Variants in C12orf42 observed in about 807,000 individuals in gnomAD.
C12orf42 encodes chromosome 12 open reading frame 42.
In C12orf42, 25 loss-of-function variants were observed where a neutral mutation model predicts 21.6. The observed-to-expected ratio is 1.16, with a 90% CI of 0.84 to 1.62. The LOEUF (loss-of-function observed/expected upper bound fraction) is 1.62, where lower values mean the gene tolerates loss of function less well. Ranked by LOEUF, C12orf42 falls within the 40% of genes most tolerant of loss-of-function variation. The pLI, the probability that C12orf42 is intolerant of heterozygous loss-of-function variation, is 0.00. For missense variants in C12orf42, 483 were observed against 459.3 expected (o/e 1.05, Z -0.47); for synonymous variants, 174 against 175.0 (o/e 0.99, Z 0.05).
Position 103,302,248 on chromosome 12 carries a change from G to A in C12orf42, c.943C>T (p.Leu315=), listed in dbSNP as rs765256333. 4.3e-6 allele frequency: 7 copies of A among 1,612,112 alleles called. No individual in the cohort carries two copies. In the Admixed American group the frequency reaches 8.3e-5, roughly 19 times the overall value. Residue 315 remains leucine (L), a synonymous_variant, in exon 6 of 6, where the codon CTG becomes TTG. Coordinates refer to ENST00000548883, the MANE Select transcript of C12orf42 (RefSeq NM_198521.5). ...GGGAAATGGGTGGAAGCACCGGCCA[G>A]CAGAGGAAGGGGCGCTCCTGCCAGA... ...GNLAGAPLPL[L]AGASTHFPSK...
At chr12:103,393,355 A>G (rs1024639704) in intron 3 of C12orf42, among the ~76,000 whole-genome samples, 1 of 152,144 alleles carries the variant, frequency 6.6e-6, no homozygotes, top group Non-Finnish European at 1.5e-5. Context: ...GCCACACTTT[A>G]CAACAATCAG....
chr12:103,277,776 C>T (rs540079318), intron 4 of C12orf42, among the ~76,000 whole-genome samples: 36 of 152,124 alleles, frequency 2.4e-4, no homozygotes, highest in Admixed American at 2.0e-3. Context: ...CCCGCCAAAA[C>T]GCCCGGCTAA....
At chr12:103,106,981 T>C in the C12orf42 span, among the ~76,000 whole-genome samples, 3 of 151,948 alleles carry the variant, frequency 2.0e-5, no homozygotes, top group Non-Finnish European at 4.4e-5. Flanking sequence ...AGAAGGCAGA[T>C]GCAGCATTAT....
At chr12:103,105,660 A>G in the C12orf42 span, among the ~76,000 whole-genome samples, 1 of 152,228 alleles carries the variant, frequency 6.6e-6, no homozygotes, top group Non-Finnish European at 1.5e-5. Flanking sequence ...GTTGAAATTA[A>G]GTAGAAAATG....
the C12orf42 span, among the ~76,000 whole-genome samples, chr12:103,069,884 G>A: frequency 1.3e-5 from 2 of 152,134 alleles, no homozygotes; most frequent in South Asian, 4.1e-4. Flanking sequence ...CTAAATAAGG[G>A]CAGGTTTCCT....
At chr12:103,405,678 G>A (rs1476346555) in intron 2 of C12orf42, among the ~76,000 whole-genome samples, 1 of 152,196 alleles carries the variant, frequency 6.6e-6, no homozygotes, top group African/African-American at 2.4e-5. Context: ...AAGCTTGGGT[G>A]TCAACTATGC....
chr12:103,535,977 C>T, the C12orf42 span, among the ~76,000 whole-genome samples: 1,409 of 152,228 alleles, frequency 9.3e-3, 21 homozygotes, highest in African/African-American at 0.032. Context: ...GATGCTCTCT[C>T]GCTATGTTGC....
At chr12:103,137,985 A>G in the C12orf42 span, among the ~76,000 whole-genome samples, 13 of 152,300 alleles carry the variant, frequency 8.5e-5, no homozygotes, top group South Asian at 2.1e-4. Flanking sequence ...GTTAACAACA[A>G]TGTATTGTAT....
At chr12:103,119,586 A>G in the C12orf42 span, among the ~76,000 whole-genome samples, 1 of 152,144 alleles carries the variant, frequency 6.6e-6, no homozygotes, top group Non-Finnish European at 1.5e-5. Flanking sequence ...GAATGGAATC[A>G]TTGTGCCGCG....
At chr12:103,301,825 C>T (rs558481016), downstream of C12orf42, 526 of 324,968 alleles carry the variant, frequency 1.6e-3, 5 homozygotes, top group Non-Finnish European at 2.5e-3. Flanking sequence ...CCAAGAGGCA[C>T]GTTGCAAAGT....
intron 4 of C12orf42, among the ~76,000 whole-genome samples, chr12:103,324,089 G>A (rs1017251222): frequency 2.0e-5 from 3 of 151,946 alleles, no homozygotes; most frequent in African/African-American, 7.3e-5. Context: ...TACTCTTTAG[G>A]TAGCAGTTGT....
intron 4 of C12orf42, among the ~76,000 whole-genome samples, chr12:103,282,114 GT>G (rs2036177918): frequency 6.6e-6 from 1 of 152,082 alleles, no homozygotes; most frequent in Admixed American, 6.6e-5. Context: ...AAAATCAAGA[GT>G]CCTAAATGAT....
the C12orf42 span, among the ~76,000 whole-genome samples, chr12:103,513,085 T>G: frequency 6.6e-6 from 1 of 151,882 alleles, no homozygotes; most frequent in East Asian, 1.9e-4. Context: ...GTAAAAAGCT[T>G]GCTGATATTC....
At chr12:103,265,057 ACT>A (rs1290901464), downstream of C12orf42, among the ~76,000 whole-genome samples, 2 of 151,740 alleles carry the variant, frequency 1.3e-5, no homozygotes, top group Non-Finnish European at 2.9e-5. Flanking sequence ...TCTAATAAAG[ACT>A]CTCTTCTAGG....
At chr12:103,283,977 T>C (rs1482623372) in intron 4 of C12orf42, among the ~76,000 whole-genome samples, 1 of 152,190 alleles carries the variant, frequency 6.6e-6, no homozygotes, top group Non-Finnish European at 1.5e-5. Context: ...AAAAATAGCA[T>C]GAAAGCACTC....
intron 2 of C12orf42, among the ~76,000 whole-genome samples, chr12:103,475,051 T>G (rs1953938741): frequency 6.6e-6 from 1 of 152,248 alleles, no homozygotes; most frequent in African/African-American, 2.4e-5. Context: ...GTCTGTGTTT[T>G]AGCAAGCACC....
chr12:103,264,359 G>A (rs941677048), downstream of C12orf42, among the ~76,000 whole-genome samples: 2 of 152,132 alleles, frequency 1.3e-5, no homozygotes, highest in African/African-American at 2.4e-5. Flanking sequence ...AGAGAAAGAG[G>A]TTTAATTCAG....
At chr12:103,374,981 G>C (rs1487954181) in intron 3 of C12orf42, among the ~76,000 whole-genome samples, 1 of 152,218 alleles carries the variant, frequency 6.6e-6, no homozygotes, top group Non-Finnish European at 1.5e-5. Context: ...AGAAATGAAA[G>C]AGATGATATT....
At chr12:103,180,881 G>A in the C12orf42 span, among the ~76,000 whole-genome samples, 42 of 151,924 alleles carry the variant, frequency 2.8e-4, 1 homozygote, top group South Asian at 8.1e-3. Context: ...GCCTACCTCA[G>A]CCTCCCAAAG....
Sources: allele counts gnomAD v4.1 joint callset (sites outside exome capture counted in the v4.1 genomes callset), GRCh38; gene constraint gnomAD v4.1.1; transcripts MANE v1.5; gene names NCBI Gene and HGNC (gene_info 2026-07-23, HGNC 2026-07-21).